The following GRIN1 variants were observed in gnomAD, a reference collection of about 807,000 sequenced individuals.
GRIN1 encodes glutamate ionotropic receptor NMDA type subunit 1.
A neutral mutation model predicts 103.0 loss-of-function variants in GRIN1; 38 were observed. That is an observed-to-expected ratio of 0.37 (90% CI 0.28 to 0.48). The LOEUF (loss-of-function observed/expected upper bound fraction) is 0.48. Among genes scored for constraint, GRIN1 ranks in the 20% least tolerant of loss-of-function variants. The pLI is 0.98. For missense variants in GRIN1, 577 were observed against 1,288.9 expected (o/e 0.45, Z 8.46); for synonymous variants, 544 against 532.7 (o/e 1.02, Z -0.29).
At chr9:137,163,047 G>A in intron 15 of GRIN1, 44 bp downstream of exon 15, 1 of 1,558,864 alleles carries the variant, frequency 6.4e-7, no homozygotes. Flanking sequence ...ACAGGTGCGG[G>A]GAGGGGGAGG....
chr9:137,148,230 C>A, intron 3 of GRIN1: 4 of 1,528,362 alleles, frequency 2.6e-6, no homozygotes, highest in Non-Finnish European at 3.5e-6. Flanking sequence ...TATGCATGGA[C>A]GTGCACGCCA....
intron 2 of GRIN1, among the ~76,000 whole-genome samples, chr9:137,143,902 C>T (rs1187940067): frequency 6.6e-6 from 1 of 152,222 alleles, no homozygotes; most frequent in Non-Finnish European, 1.5e-5. Context: ...GGGGGCAGAG[C>T]CTGCTCCACT....
rs1351463730 is a variant in GRIN1 at position 137,145,851 on chromosome 9, C to T, written c.519C>T (p.Gly173=). The T allele has an allele frequency of 6.2e-7, 1 of 1,610,814 alleles. No individual in the cohort carries two copies. Among genetic ancestry groups the T allele is most frequent in the South Asian group, 1.1e-5 (1 of 90,444 alleles). The change falls in exon 3 of 20, where the codon GGC becomes GGT. Residue 173 remains glycine, a synonymous_variant. Coordinates refer to ENST00000371561, the MANE Select transcript of GRIN1 (RefSeq NM_007327.4). The part of the protein sequence containing the change: ...IILLVSDDHE[G]RAAQKRLETL... ...TGCTGGTCAGCGACGACCACGAGGG[C>T]CGGGCGGCTCAGAAACGCCTGGAGA... is the stretch of plus-strand genomic sequence containing the variant.
At position 137,139,197 on chromosome 9, in the gene GRIN1, AGCC is replaced by A. The variant is rs763024426; in HGVS notation, c.-273_-271del. On this transcript the variant is annotated 5_prime_UTR_variant, in exon 1 of 20. Transcript: ENST00000371561. The surrounding 1 kb of genome is among the most constrained non-coding windows in gnomAD (Gnocchi z 7.7). ...GGACCGGAACCAGCGCCGTCCGCGG[AGCC>A]GCCGCCGCCGCCGCCGGGCCCTTTC... 462 of 157,670 alleles carry A rather than the reference AGCC, an allele frequency of 2.9e-3. 3 individuals are homozygous for A. Among genetic ancestry groups the A allele is most frequent in the East Asian group, 8.8e-3 (47 of 5,328 alleles). The allele number at this position is 157,670 out of a possible 1,614,324, so 9.8% of individuals were successfully genotyped here. A position where few individuals can be genotyped will look rare whatever the true frequency, so the allele number is the denominator to read the frequency against.
intron 8 of GRIN1, among the ~76,000 whole-genome samples, chr9:137,160,591 G>A (rs931506414): frequency 1.3e-5 from 2 of 152,112 alleles, no homozygotes; most frequent in African/African-American, 2.4e-5. Flanking sequence ...CACCACGCCC[G>A]GCTAATTTTT....
In GRIN1 at chr9:137,156,726, C is replaced by G; in HGVS notation, c.729C>G (p.Ser243=). The part of the protein sequence containing the change: ...RAAAMLNMTG[S]GYVWLVGERE... The stretch of plus-strand genomic sequence containing the variant: ...CCGCGATGCTGAACATGACGGGCTC[C>G]GGGTACGTGTGGCTGGTCGGCGAGC... Residue 243 remains serine (S), a synonymous_variant, in exon 5 of 20, where the codon TCC becomes TCG. Transcript: ENST00000371561. 1 of 1,590,836 alleles carries G rather than the reference C, an allele frequency of 6.3e-7. No individual in the cohort carries two copies. The highest frequency in any genetic ancestry group is 1.1e-5 in the South Asian group (1 of 87,708).
chr9:137,157,119 C>T (rs1833275935), intron 6 of GRIN1, 82 bp downstream of exon 6: 1 of 401,740 alleles, frequency 2.5e-6, no homozygotes, highest in Non-Finnish European at 3.9e-6. Context: ...CGGGGCCGCT[C>T]TTGGGGAGGT....
rs1380808886 is a variant in GRIN1, at chr9:137,139,252, G to C, written c.-235G>C. On this transcript the variant is annotated 5_prime_UTR_variant, in exon 1 of 20. Transcript: ENST00000371561. The surrounding 1 kb of genome is among the most constrained non-coding windows in gnomAD (Gnocchi z 7.7). ...AAGCCGGGCGCTCGGAGCTGTGCCC[G>C]GCCCCGCTTCAGCACCGCGGACAGC... 3 of 181,788 alleles carry C rather than the reference G, an allele frequency of 1.7e-5. No individual in the cohort carries two copies. The highest frequency in any genetic ancestry group is 7.1e-5 in the African/African-American group (3 of 42,012). 11.3% of individuals were successfully genotyped at this position (181,788 alleles called of 1,614,324 possible). A position where few individuals can be genotyped will look rare whatever the true frequency, so the allele number is the denominator to read the frequency against.
intron 14 of GRIN1, 46 bp from the exon 15 acceptor site, chr9:137,162,800 G>A (rs754041456): frequency 6.2e-7 from 1 of 1,606,812 alleles, no homozygotes; most frequent in Non-Finnish European, 8.5e-7. Context: ...CCTCGGTTAG[G>A]GGCCTGGGGA....
chr9:137,166,544 C>T (rs187903150), intron 19 of GRIN1, among the ~76,000 whole-genome samples: 2 of 152,368 alleles, frequency 1.3e-5, no homozygotes, highest in Admixed American at 6.5e-5. Flanking sequence ...CGGGGCAGAC[C>T]TCCAGGGCAC....
intron 6 of GRIN1, among the ~76,000 whole-genome samples, chr9:137,157,277 C>T (rs1348700760): frequency 6.6e-6 from 1 of 152,142 alleles, no homozygotes; most frequent in Non-Finnish European, 1.5e-5. Flanking sequence ...TGGGCGGCGT[C>T]GCTCTCAGGG....
chr9:137,167,840 T>C lies in GRIN1; in HGVS notation c.*313T>C. On this transcript the variant is annotated 3_prime_UTR_variant, in exon 20 of 20. Transcript: ENST00000371561. Reference sequence around the variant, plus strand: ...AGATCCCTCGGTCAGCACCGTGGTGTGAGGCCCCCGGAGGCGCCCACCTGC... The same window carrying C: ...AGATCCCTCGGTCAGCACCGTGGTGCGAGGCCCCCGGAGGCGCCCACCTGC... 6.2e-7 allele frequency: 1 copy of C among 1,612,028 alleles called. No homozygotes were observed. The highest frequency in any genetic ancestry group is 8.5e-7 in the Non-Finnish European group (1 of 1,179,530).
At chr9:137,158,858 G>A in intron 8 of GRIN1, 154 bp downstream of exon 8, 1 of 669,186 alleles carries the variant, frequency 1.5e-6, no homozygotes, top group Non-Finnish European at 2.7e-6. Flanking sequence ...CAGCACACCT[G>A]GCACAGCACA....
At chr9:137,145,967 C>T (rs1832508629) in intron 3 of GRIN1, 65 bp downstream of exon 3, 1 of 1,215,230 alleles carries the variant, frequency 8.2e-7, no homozygotes, top group Non-Finnish European at 1.2e-6. Flanking sequence ...CGCCTTGTGT[C>T]TGTGGCTCCG....
intron 4 of GRIN1, among the ~76,000 whole-genome samples, chr9:137,152,696 A>T (rs1472657890): frequency 6.6e-6 from 1 of 152,166 alleles, no homozygotes; most frequent in Non-Finnish European, 1.5e-5. Flanking sequence ...CCTAAGAAAA[A>T]GGCCAGCCCA....
At chr9:137,141,235 T>G (rs566910339) in intron 1 of GRIN1, among the ~76,000 whole-genome samples, 1 of 152,138 alleles carries the variant, frequency 6.6e-6, no homozygotes, top group East Asian at 1.9e-4. Context: ...ACAGGCAGAC[T>G]TGGGGACAGA....
At position 137,164,009 on chromosome 9, in the gene GRIN1, G is replaced by A. The variant is rs565274414; in HGVS notation, c.2589+105G>A. On this transcript the variant is annotated intron_variant, in intron 18 of 19. Coordinates refer to ENST00000371561, the MANE Select transcript of GRIN1 (RefSeq NM_007327.4). ...CACTGGCTCTGGCTCTGGTGGGCAG[G>A]ACTGGAGCTAGGAGCCATGGCCAGG... The A allele has an allele frequency of 2.2e-6, 3 of 1,367,886 alleles. No homozygotes were observed. In the South Asian group the frequency reaches 3.5e-5, roughly 16 times the overall value. 84.7% of individuals were successfully genotyped at this position (1,367,886 alleles called of 1,614,324 possible).
intron 8 of GRIN1, among the ~76,000 whole-genome samples, chr9:137,160,657 C>T (rs1833483005): frequency 6.6e-6 from 1 of 152,212 alleles, no homozygotes; most frequent in South Asian, 2.1e-4. Context: ...GTCTCGATCT[C>T]CTGACCTCGT....
chr9:137,156,593 G>A, intron 4 of GRIN1, 76 bp from the exon 5 acceptor site: 2 of 1,553,578 alleles, frequency 1.3e-6, no homozygotes, highest in Non-Finnish European at 1.7e-6. Flanking sequence ...TGCTCCAGAG[G>A]AGGAGGACCT....
Sources: gnomAD v4.1 joint callset for allele counts (sites outside exome capture counted in the v4.1 genomes callset) on GRCh38, gnomAD v4.1.1 for gene constraint, Gnocchi (gnomAD v3.1) non-coding constraint, MANE v1.5 for transcripts, NCBI Gene and HGNC (gene_info 2026-07-23, HGNC 2026-07-21) for gene names.